The following PPHLN1 variants were observed in gnomAD, a reference collection of about 807,000 sequenced individuals.
PPHLN1 encodes the protein periphilin-1.
PPHLN1 carries 29 observed loss-of-function variants against 51.3 expected under a neutral mutation model. That is an observed-to-expected ratio of 0.57 (90% CI 0.42 to 0.77). PPHLN1 has a LOEUF of 0.77. PPHLN1 is among the 30% of genes least tolerant of loss of function. The probability of loss-of-function intolerance (pLI) is 0.00; values close to 1 mark genes in which losing one functional copy is unlikely to be tolerated. For synonymous variants in PPHLN1, 147 were observed against 147.8 expected (o/e 0.99, Z 0.04); for missense variants, 436 against 438.4 (o/e 0.99, Z 0.05).
At chr12:42,435,285 G>T (rs1593009704) in intron 9 of PPHLN1, among the ~76,000 whole-genome samples, 1 of 152,090 alleles carries the variant, frequency 6.6e-6, no homozygotes, top group South Asian at 2.1e-4. Context: ...AATTGGTTTT[G>T]CAGTTGCTTC....
chr12:42,410,013 C>T (rs1366524454), intron 9 of PPHLN1, among the ~76,000 whole-genome samples: 1 of 151,958 alleles, frequency 6.6e-6, no homozygotes, highest in Non-Finnish European at 1.5e-5. Context: ...CATATGAAGT[C>T]CTAATGATAA....
intron 4 of PPHLN1, among the ~76,000 whole-genome samples, chr12:42,371,968 T>G (rs1336318133): frequency 6.6e-6 from 1 of 152,206 alleles, no homozygotes; most frequent in Non-Finnish European, 1.5e-5. Flanking sequence ...CAGTTTTCCA[T>G]CTATTTACAA....
intron 9 of PPHLN1, among the ~76,000 whole-genome samples, chr12:42,419,831 A>G (rs990663356): frequency 4.6e-5 from 7 of 152,120 alleles, no homozygotes; most frequent in Admixed American, 6.5e-5. Context: ...TGAATTTGAA[A>G]CCTTCATGTG....
At chr12:42,375,315 GT>G (rs5797791) in intron 5 of PPHLN1, 1,714 of 149,010 alleles carry the variant, frequency 0.012, no homozygotes, top group South Asian at 0.046. Flanking sequence ...CATGTAAAAG[GT>G]TTTTTTTTTT....
intron 4 of PPHLN1, among the ~76,000 whole-genome samples, chr12:42,364,374 A>G (rs1192934196): frequency 6.6e-6 from 1 of 152,120 alleles, no homozygotes; most frequent in African/African-American, 2.4e-5. Flanking sequence ...TCACACCTGT[A>G]ATCCCAGTAC....
chr12:42,428,666 A>C (rs969293036), intron 9 of PPHLN1, among the ~76,000 whole-genome samples: 1 of 152,138 alleles, frequency 6.6e-6, no homozygotes, highest in Admixed American at 6.6e-5. Flanking sequence ...TATTGGGTGC[A>C]GTGTATACTG....
intron 9 of PPHLN1, among the ~76,000 whole-genome samples, chr12:42,406,100 T>C (rs1339868821): frequency 6.6e-6 from 1 of 151,622 alleles, no homozygotes; most frequent in East Asian, 1.9e-4. Flanking sequence ...TTTTTTTTTT[T>C]TGAGACAGAG....
chr12:42,332,705 A>G lies in PPHLN1; in HGVS notation c.-20-3178A>G, dbSNP rs565824889. ...ATTTGATTCCTAAAAGGACTCAAGTAAGTATAGTATAGTAGTATTTAATAT... is the reference window on the plus strand; with the variant it reads ...ATTTGATTCCTAAAAGGACTCAAGTGAGTATAGTATAGTAGTATTTAATAT... On this transcript the variant is annotated intron_variant, in intron 1 of 9. Transcript: ENST00000358314. 4 of 1,502,600 alleles carry G rather than the reference A, an allele frequency of 2.7e-6. No homozygotes were observed. The South Asian group carries it at 3.4e-5, about 13-fold the overall frequency. 93.1% of individuals were successfully genotyped at this position (1,502,600 alleles called of 1,614,324 possible).
At chr12:42,375,205 G>T in intron 5 of PPHLN1, 131 bp downstream of exon 5, 2 of 676,594 alleles carry the variant, frequency 3.0e-6, no homozygotes, top group Non-Finnish European at 4.7e-6. Flanking sequence ...CAAACTTACA[G>T]AAAAGATGGT....
At chr12:42,331,897 CTGAT>C (rs1368012436) in intron 1 of PPHLN1, 3 of 152,184 alleles carry the variant, frequency 2.0e-5, no homozygotes, top group Non-Finnish European at 4.4e-5. Context: ...ATAAATGTAA[CTGAT>C]TGGTCAATTT....
At chr12:42,356,349 G>A (rs935296362) in intron 4 of PPHLN1, among the ~76,000 whole-genome samples, 1 of 152,338 alleles carries the variant, frequency 6.6e-6, no homozygotes, top group African/African-American at 2.4e-5. Flanking sequence ...GATAGGCACA[G>A]ATGGTGACTG....
chr12:42,370,011 A>G (rs548331194), intron 4 of PPHLN1, among the ~76,000 whole-genome samples: 4 of 152,354 alleles, frequency 2.6e-5, no homozygotes, highest in Admixed American at 2.0e-4. Flanking sequence ...ATCCACAGGC[A>G]TGGCCAGGCC....
intron 9 of PPHLN1, among the ~76,000 whole-genome samples, chr12:42,412,183 C>T (rs910204659): frequency 2.0e-5 from 3 of 151,972 alleles, no homozygotes; most frequent in Non-Finnish European, 2.9e-5. Context: ...CCAGCCTGGG[C>T]GACAGAGCGA....
chr12:42,430,248 G>C (rs1378588752), intron 9 of PPHLN1, among the ~76,000 whole-genome samples: 3 of 151,416 alleles, frequency 2.0e-5, no homozygotes, highest in Admixed American at 6.6e-5. Context: ...TTCTCTCTCT[G>C]TCTCTGACAC....
chr12:42,433,207 G>A (rs1482616803), intron 9 of PPHLN1: 2 of 759,614 alleles, frequency 2.6e-6, no homozygotes, highest in Admixed American at 1.7e-5. Flanking sequence ...CATCCACATG[G>A]CTCTTGGTCA....
Position 42,441,204 on chromosome 12 carries a change from T to C in PPHLN1, c.910-111T>C, listed in dbSNP as rs2082923898. 10 of 1,387,980 alleles carry C rather than the reference T, an allele frequency of 7.2e-6. No individual in the cohort carries two copies. In the South Asian group the frequency reaches 1.3e-4, roughly 18 times the overall value. 86.0% of individuals were successfully genotyped at this position (1,387,980 alleles called of 1,614,324 possible). A position where few individuals can be genotyped will look rare whatever the true frequency, so the allele number is the denominator to read the frequency against. On this transcript the variant is annotated intron_variant, in intron 9 of 9. Transcript: ENST00000358314. ...AGGGCGAGAAAGGTTCCGCTTTCTT[T>C]TTTGTGTCTCTCTTTTAGATGTCAG...
intron 1 of PPHLN1, among the ~76,000 whole-genome samples, chr12:42,332,957 C>G (rs1358044545): frequency 1.3e-5 from 2 of 152,078 alleles, no homozygotes; most frequent in Non-Finnish European, 2.9e-5. Flanking sequence ...AAAACAGTTA[C>G]ATACTTTTGT....
rs191904867 is a variant in PPHLN1, at chr12:42,433,370, G to A, written c.910-7945G>A. Reference sequence around the variant, plus strand: ...CTGTAAGGGAGTTGCTTACTTAAGGGAGAATGCAGTGGTGCGTTCTCTGCT... The same window carrying A: ...CTGTAAGGGAGTTGCTTACTTAAGGAAGAATGCAGTGGTGCGTTCTCTGCT... On this transcript the variant is annotated intron_variant, in intron 9 of 9. Transcript: ENST00000358314. The A allele has an allele frequency of 6.4e-5, 30 of 466,222 alleles. No homozygotes were observed. In the East Asian group the frequency reaches 1.6e-3, roughly 24 times the overall value. 28.9% of individuals were successfully genotyped at this position (466,222 alleles called of 1,614,324 possible).
At chr12:42,412,222 A>G (rs1474543109) in intron 9 of PPHLN1, among the ~76,000 whole-genome samples, 1 of 152,068 alleles carries the variant, frequency 6.6e-6, no homozygotes, top group South Asian at 2.1e-4. Context: ...TAAAAAAAGA[A>G]GTAGTTTTTT....
Sources: gnomAD v4.1 joint callset for allele counts (sites outside exome capture counted in the v4.1 genomes callset) on GRCh38, gnomAD v4.1.1 for gene constraint, MANE v1.5 for transcripts, NCBI Gene and HGNC (gene_info 2026-07-23, HGNC 2026-07-21) for gene names.